The following TRPS1 variants were observed in gnomAD, a reference collection of about 807,000 sequenced individuals.
The protein encoded by TRPS1 is zinc finger transcription factor Trps1.
A neutral mutation model predicts 101.2 loss-of-function variants in TRPS1; 6 were observed. The ratio of observed to expected loss-of-function variants is 0.06; its 90% CI spans 0.03 to 0.12. The LOEUF is 0.12. Ranked by LOEUF, TRPS1 falls within the 10% of genes least tolerant of loss-of-function variation. The probability of loss-of-function intolerance (pLI) is 1.00; values close to 1 mark genes in which losing one functional copy is unlikely to be tolerated. For missense variants in TRPS1, 1,363 were observed against 1,567.0 expected, an observed-to-expected ratio of 0.87 and a Z score of 2.20; for synonymous variants, 578 against 589.8, an observed-to-expected ratio of 0.98 and a Z score of 0.29.
At chr8:115,456,121 T>C (rs533994172) in intron 5 of TRPS1, among the ~76,000 whole-genome samples, 1 of 152,274 alleles carries the variant, frequency 6.6e-6, no homozygotes, top group Admixed American at 6.5e-5. Context: ...AAGAAAATAC[T>C]TTCTTATACA....
intron 5 of TRPS1, among the ~76,000 whole-genome samples, chr8:115,531,987 C>A (rs544837845): frequency 6.6e-6 from 1 of 151,928 alleles, no homozygotes. Context: ...TGAGGAATGA[C>A]GAAATCTGAG....
intron 5 of TRPS1, among the ~76,000 whole-genome samples, chr8:115,455,952 T>G (rs528920714): frequency 1.3e-5 from 2 of 151,602 alleles, no homozygotes; most frequent in East Asian, 3.9e-4. Flanking sequence ...GCCCAGCTAA[T>G]TTTTTGTATT....
Position 115,411,282 on chromosome 8 carries a change from GA to G in TRPS1, c.*2740del, listed in dbSNP as rs879823190. 9.3e-4 allele frequency: 128 copies of G among 138,348 alleles called. No homozygotes were observed. The highest frequency in any genetic ancestry group is 1.3e-3 in the East Asian group (6 of 4,762). The allele number at this position is 138,348 out of a possible 1,614,324, so 8.6% of individuals were successfully genotyped here. The stretch of plus-strand genomic sequence containing the variant: ...AGTCGTTACTACTATGTCTGTCTGA[GA>G]AAAAAAAAAAATTGAATGAAAATAA... On this transcript the variant is annotated 3_prime_UTR_variant, in exon 7 of 7. Transcript: ENST00000395715.
intron 5 of TRPS1, among the ~76,000 whole-genome samples, chr8:115,429,389 C>G (rs546926039): frequency 6.1e-4 from 93 of 152,298 alleles, no homozygotes; most frequent in Non-Finnish European, 1.1e-3. Context: ...AAAATTCTCT[C>G]TTCAGTACCA....
In TRPS1 at chr8:115,411,153, G is replaced by A. The variant is rs1301572298; in HGVS notation, c.*2870C>T. ...AAATAAAATTATCAATAATAAAGAAGTATGGAATAAGATCTATCGTGTCAA... is the reference window on the plus strand; with the variant it reads ...AAATAAAATTATCAATAATAAAGAAATATGGAATAAGATCTATCGTGTCAA... On this transcript the variant is annotated 3_prime_UTR_variant, in exon 7 of 7. Coordinates refer to ENST00000395715, the MANE Select transcript of TRPS1 (RefSeq NM_014112.5). The A allele has an allele frequency of 6.6e-6, 1 of 152,138 alleles. No homozygotes were observed. Among genetic ancestry groups the A allele is most frequent in the Non-Finnish European group, 1.5e-5 (1 of 67,920 alleles). 9.4% of individuals were successfully genotyped at this position (152,138 alleles called of 1,614,324 possible).
rs1376467934 is a variant in TRPS1, at chr8:115,619,749, C to G, written c.349G>C (p.Glu117Gln). 1 of 1,614,194 alleles carries G rather than the reference C, an allele frequency of 6.2e-7. No individual in the cohort carries two copies. The highest frequency in any genetic ancestry group is 8.5e-7 in the Non-Finnish European group (1 of 1,180,040). Residue 117 changes from glutamate to glutamine, a missense_variant, in exon 3 of 7, where the codon GAG (glutamate) becomes CAG (glutamine). Around this residue, in one of 5 missense-constraint regions of TRPS1, gnomAD observed 1,020 missense variants for 1,073.0 expected, o/e 0.95. Transcript: ENST00000395715. ...GCCAACATATTTCTGTCTGTCACCT[C>G]ATCATGCGGAAAGGAGGGAAAGTTT... ...GGNFPSFPHD[E>Q]VTDRNMLAFS...
chr8:115,599,917 T>TG (rs1167951253), intron 4 of TRPS1, among the ~76,000 whole-genome samples: 3 of 152,174 alleles, frequency 2.0e-5, no homozygotes, highest in Non-Finnish European at 2.9e-5. Context: ...AATCATCACA[T>TG]AGTCTTCCAC....
At chr8:115,643,370 T>A (rs574361356) in intron 1 of TRPS1, among the ~76,000 whole-genome samples, 1 of 152,374 alleles carries the variant, frequency 6.6e-6, no homozygotes, top group Non-Finnish European at 1.5e-5. Flanking sequence ...CCAACTTTAA[T>A]GCTGCTTTAT....
chr8:115,575,912 A>T (rs539338730), intron 5 of TRPS1, among the ~76,000 whole-genome samples: 3 of 152,272 alleles, frequency 2.0e-5, no homozygotes, highest in African/African-American at 7.2e-5. Flanking sequence ...TCATGGACTC[A>T]TAAGAAATTT....
At chr8:115,583,664 CA>C (rs1196640939) in intron 5 of TRPS1, among the ~76,000 whole-genome samples, 2 of 150,900 alleles carry the variant, frequency 1.3e-5, no homozygotes, top group South Asian at 2.1e-4. Context: ...GATTAATATG[CA>C]AAAAAAAGCC....
chr8:115,494,435 C>G lies in TRPS1; in HGVS notation c.2701-75983G>C, dbSNP rs543236062. The stretch of plus-strand genomic sequence containing the variant: ...TTAAAGCGTTTGTTAAAAAGCAAGT[C>G]GAGAGGAGGCAATGTAGCAACAAAA... On this transcript the variant is annotated intron_variant, in intron 5 of 6. Coordinates refer to ENST00000395715, the MANE Select transcript of TRPS1 (RefSeq NM_014112.5). Among the ~76,000 whole-genome samples, 112 of 152,200 alleles carry G rather than the reference C, an allele frequency of 7.4e-4. 1 individual carries two copies. Among genetic ancestry groups the G allele is most frequent in the African/African-American group, 2.6e-3 (110 of 41,528 alleles).
chr8:115,623,732 A>G lies in TRPS1; in HGVS notation c.-95T>C. 1 of 1,551,114 alleles carries G rather than the reference A, an allele frequency of 6.4e-7. No individual in the cohort carries two copies. On this transcript the variant is annotated 5_prime_UTR_variant, in exon 2 of 7. Transcript: ENST00000395715. ...TTAGAAGACGCTCAGAAGACACAGA[A>G]GACATTTTGAGAGCTGATCTGTACA...
intron 4 of TRPS1, among the ~76,000 whole-genome samples, chr8:115,602,675 A>C (rs1464549803): frequency 6.6e-6 from 1 of 152,190 alleles, no homozygotes; most frequent in Non-Finnish European, 1.5e-5. Context: ...AAAACTTTTA[A>C]AAGGAGTGGA....
At position 115,478,801 on chromosome 8, in the gene TRPS1, C is replaced by CA. The variant is rs796303518; in HGVS notation, c.2701-60350dup. ...CTTGGGCGAGAGTGAGACTTGATCT[C>CA]AAAAAAAAAAAGTATATATATATGT... On this transcript the variant is annotated intron_variant, in intron 5 of 6. Coordinates refer to ENST00000395715, the MANE Select transcript of TRPS1 (RefSeq NM_014112.5). Among the ~76,000 whole-genome samples, 1,137 of 121,974 alleles carry CA rather than the reference C, an allele frequency of 9.3e-3. 15 individuals are homozygous for CA. Among genetic ancestry groups the CA allele is most frequent in the African/African-American group, 0.031 (1,011 of 32,998 alleles). The allele number at this position is 121,974 out of a possible 152,430, so 80.0% of individuals were successfully genotyped here. A position where few individuals can be genotyped will look rare whatever the true frequency, so the allele number is the denominator to read the frequency against.
intron 5 of TRPS1, among the ~76,000 whole-genome samples, chr8:115,551,559 T>G (rs1240233964): frequency 6.6e-6 from 1 of 152,158 alleles, no homozygotes; most frequent in Non-Finnish European, 1.5e-5. Context: ...GCTGGATAAC[T>G]CACATGTTTT....
At chr8:115,532,740 T>C (rs1357972889) in intron 5 of TRPS1, among the ~76,000 whole-genome samples, 1 of 151,952 alleles carries the variant, frequency 6.6e-6, no homozygotes, top group Non-Finnish European at 1.5e-5. Context: ...AATCTCTGAG[T>C]AGTAAGTGAA....
intron 3 of TRPS1, among the ~76,000 whole-genome samples, chr8:115,618,496 C>T (rs1051299323): frequency 2.6e-5 from 4 of 152,106 alleles, no homozygotes; most frequent in Non-Finnish European, 4.4e-5. Context: ...AAATTATTGC[C>T]ATTTTCCTTA....
At chr8:115,666,017 C>A (rs1811913189) in intron 1 of TRPS1, among the ~76,000 whole-genome samples, 1 of 152,118 alleles carries the variant, frequency 6.6e-6, no homozygotes, top group Non-Finnish European at 1.5e-5. Context: ...TTCAGAAGGC[C>A]TCACATTCAG....
At chr8:115,422,670 A>C (rs1586258597) in intron 5 of TRPS1, among the ~76,000 whole-genome samples, 1 of 152,238 alleles carries the variant, frequency 6.6e-6, no homozygotes. Flanking sequence ...CCAGCCCCAC[A>C]TGTATTTTTG....
Sources: allele counts gnomAD v4.1 joint callset (sites outside exome capture counted in the v4.1 genomes callset), GRCh38; gene constraint gnomAD v4.1.1; regional missense constraint gnomAD v4.1.1; transcripts MANE v1.5; gene names NCBI Gene and HGNC (gene_info 2026-07-23, HGNC 2026-07-21).